Variants in SORCS3 observed in about 807,000 individuals in gnomAD.
SORCS3 encodes the protein VPS10 domain-containing receptor SorCS3.
A neutral mutation model predicts 146.3 loss-of-function variants in SORCS3; 57 were observed. The ratio of observed to expected loss-of-function variants is 0.39; its 90% CI spans 0.31 to 0.49. SORCS3 has a LOEUF of 0.49. Ranked by LOEUF, SORCS3 falls within the 20% of genes least tolerant of loss-of-function variation. SORCS3 has a pLI of 0.92. For missense variants in SORCS3, 1,341 were observed against 1,575.5 expected, an observed-to-expected ratio of 0.85 and a Z score of 2.52; for synonymous variants, 653 against 618.5, an observed-to-expected ratio of 1.06 and a Z score of -0.83.
intron 5 of SORCS3, among the ~76,000 whole-genome samples, chr10:105,047,684 G>T (rs970092481): frequency 6.6e-6 from 1 of 152,188 alleles, no homozygotes; most frequent in Admixed American, 6.5e-5. Flanking sequence ...TATGATGCCT[G>T]GTTTAGGATG....
chr10:104,671,325 C>CTTTTTTTTTTTTTTTTTT lies in SORCS3; in HGVS notation c.627+29381_627+29398dup, dbSNP rs771029154. Among the ~76,000 whole-genome samples the CTTTTTTTTTTTTTTTTTT allele has an allele frequency of 5.2e-3, 99 of 19,200 alleles. 43 individuals are homozygous for CTTTTTTTTTTTTTTTTTT. The highest frequency in any genetic ancestry group is 6.2e-3 in the Non-Finnish European group (69 of 11,212). 12.6% of individuals were successfully genotyped at this position (19,200 alleles called of 152,430 possible). On this transcript the variant is annotated intron_variant, in intron 1 of 26. Transcript: ENST00000369701. Reference sequence around the variant, plus strand: ...ATGTTAAGGTAGTTTCATTCTTTTCCTTTTTTTTTTTTTTTTTTTTTTTTT... The same window carrying CTTTTTTTTTTTTTTTTTT: ...ATGTTAAGGTAGTTTCATTCTTTTCCTTTTTTTTTTTTTTTTTTTTTTTTTTTTTTTTTTTTTTTTTTT...
chr10:104,847,458 C>G (rs537238199), intron 2 of SORCS3, among the ~76,000 whole-genome samples: 1 of 152,180 alleles, frequency 6.6e-6, no homozygotes, highest in African/African-American at 2.4e-5. Context: ...CAGCTTCTGC[C>G]TGTCCATCCT....
intron 1 of SORCS3, among the ~76,000 whole-genome samples, chr10:104,683,698 C>T (rs1418504388): frequency 6.6e-6 from 1 of 152,142 alleles, no homozygotes; most frequent in Non-Finnish European, 1.5e-5. Flanking sequence ...GGCCTTAGGA[C>T]TTAGAAGTGA....
chr10:104,692,727 G>A (rs181247561), intron 1 of SORCS3, among the ~76,000 whole-genome samples: 569 of 152,310 alleles, frequency 3.7e-3, no homozygotes, highest in Non-Finnish European at 6.1e-3. Context: ...AGGGCTTGGG[G>A]TTGGGGAAGT....
intron 14 of SORCS3, among the ~76,000 whole-genome samples, chr10:105,184,127 G>A (rs1467741684): frequency 6.6e-6 from 1 of 152,234 alleles, no homozygotes; most frequent in Non-Finnish European, 1.5e-5. Flanking sequence ...TGGCCAGCTA[G>A]AGCAGGGGTT....
intron 7 of SORCS3, among the ~76,000 whole-genome samples, chr10:105,121,700 T>C (rs1216343890): frequency 1.3e-5 from 2 of 152,204 alleles, no homozygotes; most frequent in African/African-American, 4.8e-5. Context: ...ACTTTCTGCA[T>C]CATTAACCAA....
At chr10:105,032,233 G>A (rs534016032) in intron 4 of SORCS3, among the ~76,000 whole-genome samples, 51 of 152,234 alleles carry the variant, frequency 3.4e-4, no homozygotes, top group Admixed American at 2.7e-3. Context: ...TGGCAGCCAA[G>A]GATTTTGGGA....
At chr10:105,158,812 C>CT (rs1301338108) in intron 10 of SORCS3, 80 bp from the exon 11 acceptor site, 2 of 1,072,758 alleles carry the variant, frequency 1.9e-6, no homozygotes, top group Admixed American at 3.7e-5. Context: ...AGCTGAACAT[C>CT]GGGAAGCCCA....
chr10:104,652,059 ATGTGTGTGTGTG>A (rs3069971), intron 1 of SORCS3, among the ~76,000 whole-genome samples: 48 of 149,044 alleles, frequency 3.2e-4, no homozygotes, highest in Middle Eastern at 3.5e-3. Context: ...TATATTTTAA[ATGTGTGTGTGTG>A]TGTGTGTGTG....
At chr10:104,883,974 AT>A (rs2018655437) in intron 2 of SORCS3, among the ~76,000 whole-genome samples, 2 of 100,494 alleles carry the variant, frequency 2.0e-5, no homozygotes, top group African/African-American at 1.2e-4. Context: ...CTGCTGTGGA[AT>A]GAGGGGGGGG....
chr10:104,730,991 C>G (rs1317961063), intron 1 of SORCS3, among the ~76,000 whole-genome samples: 1 of 152,202 alleles, frequency 6.6e-6, no homozygotes, highest in African/African-American at 2.4e-5. Flanking sequence ...GTGGATCACC[C>G]TATGGTCTGG....
intron 14 of SORCS3, among the ~76,000 whole-genome samples, chr10:105,180,810 C>T (rs1564777705): frequency 6.6e-6 from 1 of 152,150 alleles, no homozygotes; most frequent in Non-Finnish European, 1.5e-5. Context: ...ACTTAAACAA[C>T]TAAATTTCTA....
rs1281231449 is a variant in SORCS3, at chr10:105,229,804, T to C, written c.2868+6555T>C. Among the ~76,000 whole-genome samples the C allele has an allele frequency of 2.6e-5, 4 of 152,160 alleles. No individual in the cohort carries two copies. The East Asian group carries it at 5.8e-4, about 22-fold the overall frequency. ...GAGCAGTGTACGTTGGCCTTGGTGT[T>C]AGAAGGCCCAACTGCACTGATTCCT... On this transcript the variant is annotated intron_variant, in intron 20 of 26. Transcript: ENST00000369701.
At chr10:104,778,586 T>G (rs947991233) in intron 1 of SORCS3, among the ~76,000 whole-genome samples, 1 of 152,248 alleles carries the variant, frequency 6.6e-6, no homozygotes, top group Admixed American at 6.5e-5. Flanking sequence ...GCTCAGTTCC[T>G]GGTTGGCAGT....
intron 1 of SORCS3, among the ~76,000 whole-genome samples, chr10:104,759,524 C>T (rs1194640176): frequency 6.6e-6 from 1 of 152,140 alleles, no homozygotes; most frequent in Non-Finnish European, 1.5e-5. Context: ...TAATATTCTG[C>T]TGAGATTGCG....
chr10:105,140,673 A>T (rs1012451547), intron 8 of SORCS3, among the ~76,000 whole-genome samples: 1 of 152,166 alleles, frequency 6.6e-6, no homozygotes, highest in African/African-American at 2.4e-5. Context: ...AAATATATGC[A>T]TAGGCTCGAT....
chr10:104,656,095 A>G (rs1208869615), intron 1 of SORCS3, among the ~76,000 whole-genome samples: 2 of 152,288 alleles, frequency 1.3e-5, no homozygotes, highest in East Asian at 1.9e-4. Context: ...GGTACATGAC[A>G]ACACTAGGGA....
chr10:105,256,979 T>C, intron 25 of SORCS3, 55 bp downstream of exon 25: 1 of 1,245,358 alleles, frequency 8.0e-7, no homozygotes, highest in Non-Finnish European at 1.2e-6. Context: ...TGCAAATGAT[T>C]CTTCCTATAA....
intron 3 of SORCS3, among the ~76,000 whole-genome samples, chr10:104,924,037 A>T (rs2019114199): frequency 6.6e-6 from 1 of 152,212 alleles, no homozygotes; most frequent in Non-Finnish European, 1.5e-5. Flanking sequence ...TTTGCAGATG[A>T]TGGATATTTG....
Sources: allele counts gnomAD v4.1 joint callset (sites outside exome capture counted in the v4.1 genomes callset), GRCh38; gene constraint gnomAD v4.1.1; transcripts MANE v1.5; gene names NCBI Gene and HGNC (gene_info 2026-07-23, HGNC 2026-07-21).